Variants in SLCO3A1 observed in about 807,000 individuals in gnomAD.
SLCO3A1 encodes PGE1 transporter.
SLCO3A1 carries 27 observed loss-of-function variants against 63.1 expected under a neutral mutation model. The ratio of observed to expected loss-of-function variants is 0.43; its 90% CI spans 0.32 to 0.59. The LOEUF (loss-of-function observed/expected upper bound fraction) is 0.59. SLCO3A1 is among the 20% of genes least tolerant of loss of function. The pLI is 0.09. For missense variants in SLCO3A1, 773 were observed against 945.8 expected (o/e 0.82, Z 2.40); for synonymous variants, 473 against 409.9 (o/e 1.15, Z -1.86).
chr15:91,989,390 G>A lies in SLCO3A1; in HGVS notation c.646+72932G>A, dbSNP rs971857872. ...TCAGCCTTACCTTCTGCAGTTTTGT[G>A]GCCCCCGTTTCCAGCCCACATGTGA... On this transcript the variant is annotated intron_variant, in intron 2 of 9. Coordinates refer to ENST00000318445, the MANE Select transcript of SLCO3A1 (RefSeq NM_013272.4). Among the ~76,000 whole-genome samples, 5 of 152,300 alleles carry A rather than the reference G, an allele frequency of 3.3e-5. No individual in the cohort carries two copies. The East Asian group carries it at 9.6e-4, about 29-fold the overall frequency.
intron 9 of SLCO3A1, among the ~76,000 whole-genome samples, chr15:92,157,676 G>A (rs2151600217): frequency 6.6e-6 from 1 of 152,188 alleles, no homozygotes; most frequent in Middle Eastern, 3.4e-3. Flanking sequence ...CAGCTTGAAA[G>A]GTTTTCTACA....
At position 92,042,178 on chromosome 15, in the gene SLCO3A1, T is replaced by C. The variant is rs371102114; in HGVS notation, c.647-52703T>C. ...TTCCATCTACAGCAAGCTATTCTCA[T>C]CTTTCCTTGAGTAAACACTTTTACT... On this transcript the variant is annotated intron_variant, in intron 2 of 9. Transcript: ENST00000318445. Among the ~76,000 whole-genome samples, 27 of 152,342 alleles carry C rather than the reference T, an allele frequency of 1.8e-4. 1 individual carries two copies. In the East Asian group the frequency reaches 2.9e-3, roughly 16 times the overall value.
intron 2 of SLCO3A1, among the ~76,000 whole-genome samples, chr15:92,052,315 G>A (rs1255312511): frequency 6.6e-6 from 1 of 152,144 alleles, no homozygotes; most frequent in Non-Finnish European, 1.5e-5. Flanking sequence ...GAAAGAGGGT[G>A]AGCAATACCT....
At chr15:91,979,446 G>T (rs560281306) in intron 2 of SLCO3A1, among the ~76,000 whole-genome samples, 10 of 152,338 alleles carry the variant, frequency 6.6e-5, no homozygotes, top group African/African-American at 2.2e-4. Flanking sequence ...AGATTTTGGA[G>T]CATTTTGGAT....
chr15:92,032,124 G>A (rs754834719), intron 2 of SLCO3A1, among the ~76,000 whole-genome samples: 4 of 152,180 alleles, frequency 2.6e-5, no homozygotes, highest in East Asian at 1.9e-4. Flanking sequence ...ACTTAGTGTC[G>A]GGTCTCTGCT....
At chr15:91,926,350 G>A (rs1255895593) in intron 2 of SLCO3A1, among the ~76,000 whole-genome samples, 2 of 152,186 alleles carry the variant, frequency 1.3e-5, no homozygotes, top group Admixed American at 1.3e-4. Context: ...GCGTATGTGG[G>A]CAGGAGCATG....
At chr15:92,112,800 C>G (rs2047745437) in intron 4 of SLCO3A1, among the ~76,000 whole-genome samples, 1 of 152,198 alleles carries the variant, frequency 6.6e-6, no homozygotes, top group Admixed American at 6.5e-5. Context: ...AAACTCAACA[C>G]TTGAGGAAAT....
At chr15:92,037,736 A>G (rs889606170) in intron 2 of SLCO3A1, among the ~76,000 whole-genome samples, 5 of 152,244 alleles carry the variant, frequency 3.3e-5, no homozygotes, top group African/African-American at 1.2e-4. Context: ...TGTTATCTAC[A>G]GATTACATTG....
chr15:91,875,140 G>T lies in SLCO3A1; in HGVS notation c.180+21052G>T, dbSNP rs1233966728. Among the ~76,000 whole-genome samples the T allele has an allele frequency of 6.6e-6, 1 of 152,214 alleles. No individual in the cohort carries two copies. The highest frequency in any genetic ancestry group is 1.5e-5 in the Non-Finnish European group (1 of 68,038). ...GATGAGTCAGTTGCTGAAATTCTGAGTAGGCTCTGACTTGGTTACCAGTGA... is the reference window on the plus strand; with the variant it reads ...GATGAGTCAGTTGCTGAAATTCTGATTAGGCTCTGACTTGGTTACCAGTGA... On this transcript the variant is annotated intron_variant, in intron 1 of 9. Transcript: ENST00000318445. This position sits in a 1 kb window ranked among gnomAD's most constrained non-coding sequence, Gnocchi z 4.5.
intron 1 of SLCO3A1, among the ~76,000 whole-genome samples, chr15:91,898,932 A>T (rs992082712): frequency 6.6e-6 from 1 of 152,196 alleles, no homozygotes; most frequent in Non-Finnish European, 1.5e-5. Flanking sequence ...TCACCCAGTC[A>T]CAACAAATAA....
chr15:92,119,164 G>C (rs2047830887), intron 4 of SLCO3A1, among the ~76,000 whole-genome samples: 1 of 152,188 alleles, frequency 6.6e-6, no homozygotes, highest in African/African-American at 2.4e-5. Flanking sequence ...CATAATTTAG[G>C]AGACTTGGCT....
At chr15:92,005,600 A>G (rs527911889) in intron 2 of SLCO3A1, among the ~76,000 whole-genome samples, 69 of 152,174 alleles carry the variant, frequency 4.5e-4, no homozygotes, top group Non-Finnish European at 9.4e-4. Flanking sequence ...CTGCTTGTTT[A>G]AAGGAGTGCT....
At position 91,894,876 on chromosome 15, in the gene SLCO3A1, C is replaced by T. The variant is rs1348721757; in HGVS notation, c.181-21117C>T. On this transcript the variant is annotated intron_variant, in intron 1 of 9. Transcript: ENST00000318445. The surrounding 1 kb of genome is among the most constrained non-coding windows in gnomAD (Gnocchi z 4.8). ...CGGAGGGACAGGGAGTGCGTAGAAGCAGGTTGTAGCTCGCCTGCAAGAACT... is the reference window on the plus strand; with the variant it reads ...CGGAGGGACAGGGAGTGCGTAGAAGTAGGTTGTAGCTCGCCTGCAAGAACT... 6.6e-6 allele frequency among the ~76,000 whole-genome samples: 1 copy of T among 152,190 alleles called. No homozygotes were observed. Among genetic ancestry groups the T allele is most frequent in the African/African-American group, 2.4e-5 (1 of 41,448 alleles).
At chr15:92,103,713 A>G (rs1449907942) in intron 3 of SLCO3A1, among the ~76,000 whole-genome samples, 1 of 151,790 alleles carries the variant, frequency 6.6e-6, no homozygotes, top group Non-Finnish European at 1.5e-5. Context: ...AGGCATAGAG[A>G]GTTCAAACCA....
intron 2 of SLCO3A1, among the ~76,000 whole-genome samples, chr15:91,983,701 G>A (rs1277917344): frequency 6.6e-6 from 1 of 152,176 alleles, no homozygotes; most frequent in Non-Finnish European, 1.5e-5. Context: ...TGTTTAAAAT[G>A]TGTGACAAAA....
chr15:91,886,192 C>A lies in SLCO3A1; in HGVS notation c.181-29801C>A, dbSNP rs932192454. On this transcript the variant is annotated intron_variant, in intron 1 of 9. Transcript: ENST00000318445. This position sits in a 1 kb window ranked among gnomAD's most constrained non-coding sequence, Gnocchi z 4.9. ...GTGTCCTGCGCTTCCCCTTGGTCTC[C>A]CTTAGTTGTGCAATGGAAAGTAGTA... is the stretch of plus-strand genomic sequence containing the variant. Among the ~76,000 whole-genome samples the A allele has an allele frequency of 1.3e-5, 2 of 152,138 alleles. No homozygotes were observed. Among genetic ancestry groups the A allele is most frequent in the African/African-American group, 4.8e-5 (2 of 41,422 alleles).
chr15:92,006,166 T>C (rs2046310489), intron 2 of SLCO3A1, among the ~76,000 whole-genome samples: 1 of 152,098 alleles, frequency 6.6e-6, no homozygotes, highest in South Asian at 2.1e-4. Flanking sequence ...GTTAATTAGG[T>C]CTCTCACATA....
At chr15:91,855,758 G>A (rs188128794) in intron 1 of SLCO3A1, among the ~76,000 whole-genome samples, 1 of 152,088 alleles carries the variant, frequency 6.6e-6, no homozygotes, top group African/African-American at 2.4e-5. Context: ...ATATATGTGG[G>A]TCTGTACTGT....
intron 2 of SLCO3A1, among the ~76,000 whole-genome samples, chr15:91,931,469 G>T (rs1386574413): frequency 6.7e-6 from 1 of 149,422 alleles, no homozygotes; most frequent in Non-Finnish European, 1.5e-5. Flanking sequence ...CTGCTGGGTT[G>T]TATCTTTTTT....
Sources: allele counts gnomAD v4.1 joint callset (sites outside exome capture counted in the v4.1 genomes callset), GRCh38; gene constraint gnomAD v4.1.1; non-coding constraint Gnocchi (gnomAD v3.1); transcripts MANE v1.5; gene names NCBI Gene and HGNC (gene_info 2026-07-23, HGNC 2026-07-21).